The following CLIP1 variants were observed in gnomAD, a reference collection of about 807,000 sequenced individuals.
CLIP1 encodes the protein CAP-Gly domain-containing linker protein 1.
CLIP1 carries 66 observed loss-of-function variants against 161.6 expected under a neutral mutation model. The ratio of observed to expected loss-of-function variants is 0.41; its 90% CI spans 0.33 to 0.50. CLIP1 has a LOEUF of 0.50. Ranked by LOEUF, CLIP1 falls within the 20% of genes least tolerant of loss-of-function variation. The pLI is 0.27. For synonymous variants in CLIP1, 598 were observed against 626.2 expected (o/e 0.96, Z 0.67); for missense variants, 1,376 against 1,702.0 (o/e 0.81, Z 3.37).
At chr12:122,395,428 T>C (rs1257871345) in intron 1 of CLIP1, 1 of 152,178 alleles carries the variant, frequency 6.6e-6, no homozygotes, top group Non-Finnish European at 1.5e-5. Context: ...CATCAGCTCA[T>C]ATCCTGCCAG....
At chr12:122,318,627 A>C (rs936313426) in intron 18 of CLIP1, among the ~76,000 whole-genome samples, 1 of 152,234 alleles carries the variant, frequency 6.6e-6, no homozygotes, top group African/African-American at 2.4e-5. Context: ...TTGGTGCCTC[A>C]GTCGGCTTAG....
intron 21 of CLIP1, among the ~76,000 whole-genome samples, chr12:122,284,235 A>G (rs977741930): frequency 6.6e-5 from 10 of 152,230 alleles, no homozygotes; most frequent in African/African-American, 2.2e-4. Context: ...ATCTTTATCT[A>G]TAATTTCTGA....
At chr12:122,372,418 G>T (rs1354108055) in intron 3 of CLIP1, among the ~76,000 whole-genome samples, 2 of 137,718 alleles carry the variant, frequency 1.5e-5, no homozygotes, top group Non-Finnish European at 3.2e-5. Flanking sequence ...CTGGTCTAAA[G>T]AAAAAAAAAA....
intron 1 of CLIP1, among the ~76,000 whole-genome samples, chr12:122,405,974 G>A (rs1295365121): frequency 1.3e-5 from 2 of 151,468 alleles, no homozygotes; most frequent in African/African-American, 4.9e-5. Context: ...GGCTGAGGCA[G>A]GAGAATCGCT....
rs532403261 is a variant in CLIP1, at chr12:122,332,093, C to T, written c.2867+894G>A. ...GGCCAAGGCCCTGAGGTCAGGAGTT[C>T]GAGACCAGCCTGACCAACATGGAGA... On this transcript the variant is annotated intron_variant, in intron 15 of 25. Transcript: ENST00000620786. Among the ~76,000 whole-genome samples the T allele has an allele frequency of 1.4e-4, 21 of 152,080 alleles. 1 individual carries two copies. In the South Asian group the frequency reaches 3.7e-3, roughly 27 times the overall value.
intron 11 of CLIP1, among the ~76,000 whole-genome samples, chr12:122,340,541 T>C (rs995116537): frequency 6.6e-6 from 1 of 152,126 alleles, no homozygotes; most frequent in South Asian, 2.1e-4. Context: ...CCAAAATAAA[T>C]TCACATGGTT....
At chr12:122,327,168 A>G (rs1011672247) in intron 17 of CLIP1, among the ~76,000 whole-genome samples, 5 of 152,198 alleles carry the variant, frequency 3.3e-5, no homozygotes, top group African/African-American at 1.2e-4. Flanking sequence ...TGGGCAGGCC[A>G]GGCATGGTGG....
At chr12:122,403,870 G>A (rs966251291) in intron 1 of CLIP1, among the ~76,000 whole-genome samples, 8 of 152,092 alleles carry the variant, frequency 5.3e-5, no homozygotes, top group Non-Finnish European at 1.0e-4. Flanking sequence ...AAACTTGTTA[G>A]TCTTCCGAAT....
At position 122,362,173 on chromosome 12, in the gene CLIP1, C is replaced by T. The variant is rs543463459; in HGVS notation, c.783-992G>A. Among the ~76,000 whole-genome samples the T allele has an allele frequency of 9.3e-5, 14 of 150,890 alleles. No individual in the cohort carries two copies. The South Asian group carries it at 1.1e-3, about 11-fold the overall frequency. The stretch of plus-strand genomic sequence containing the variant: ...TTCAATATGTTGGCCAGGATGGTCT[C>T]GAACTCCTGATCTCGTGATCTGCCC... On this transcript the variant is annotated intron_variant, in intron 4 of 25. Coordinates refer to ENST00000620786, the MANE Select transcript of CLIP1 (RefSeq NM_001247997.2).
chr12:122,341,730 T>A (rs1952506173), intron 10 of CLIP1, 33 bp from the exon 11 acceptor site: 1 of 613,948 alleles, frequency 1.6e-6, no homozygotes. Context: ...AAAAAGATCA[T>A]TTAAATAACA....
intron 17 of CLIP1, among the ~76,000 whole-genome samples, chr12:122,320,763 G>A (rs909466152): frequency 2.7e-5 from 4 of 150,820 alleles, no homozygotes; most frequent in Non-Finnish European, 5.9e-5. Flanking sequence ...AGGCTGGAGC[G>A]CAGTGGTGCA....
chr12:122,307,154 G>A (rs1047079340), intron 20 of CLIP1, among the ~76,000 whole-genome samples: 3 of 151,576 alleles, frequency 2.0e-5, no homozygotes, highest in Non-Finnish European at 2.9e-5. Context: ...GATTACAGGC[G>A]CCCGCCACCA....
intron 5 of CLIP1, among the ~76,000 whole-genome samples, chr12:122,357,999 G>C (rs55639239): frequency 0.052 from 7,843 of 152,242 alleles, 518 homozygotes; most frequent in African/African-American, 0.16. Flanking sequence ...AATAGAAAGG[G>C]GGGAAAGGTG....
intron 19 of CLIP1, among the ~76,000 whole-genome samples, chr12:122,313,189 G>C (rs1216192966): frequency 6.6e-6 from 1 of 152,180 alleles, no homozygotes; most frequent in African/African-American, 2.4e-5. Context: ...ACAGGAAGAT[G>C]TGATTCCCTC....
rs11057522 is a variant in CLIP1, at chr12:122,323,025, C to T, written c.3250-3677G>A. 0.5 allele frequency: 76,670 copies of T among 152,350 alleles called. 22,437 individuals carry two copies. Among genetic ancestry groups the T allele is most frequent in the Non-Finnish European group, 0.64 (43,203 of 67,976 alleles). The allele number at this position is 152,350 out of a possible 1,614,324, so 9.4% of individuals were successfully genotyped here. A position where few individuals can be genotyped will look rare whatever the true frequency, so the allele number is the denominator to read the frequency against. On this transcript the variant is annotated intron_variant, in intron 17 of 25. Transcript: ENST00000620786. This position sits in a 1 kb window ranked among gnomAD's most constrained non-coding sequence, Gnocchi z 4.1. The stretch of plus-strand genomic sequence containing the variant: ...TCCTTCTTCAGAGCATCAATATTAC[C>T]GAGGAGTTTCATATTCTCTTGCACA...
rs200069106 is a variant in CLIP1, at chr12:122,288,808, C to CTTT, written c.3595-270_3595-268dup. On this transcript the variant is annotated intron_variant, in intron 20 of 25. Transcript: ENST00000620786. Reference sequence around the variant, plus strand: ...ACACCTTGAACACAACGAAGCACATCTTTTTTTTTTTTTTTTTTTTTTTTT... The same window carrying CTTT: ...ACACCTTGAACACAACGAAGCACATCTTTTTTTTTTTTTTTTTTTTTTTTTTTT... Among the ~76,000 whole-genome samples, 334 of 114,424 alleles carry CTTT rather than the reference C, an allele frequency of 2.9e-3. 1 individual carries two copies. Among genetic ancestry groups the CTTT allele is most frequent in the Middle Eastern group, 0.011 (2 of 190 alleles). The allele number at this position is 114,424 out of a possible 152,430, so 75.1% of individuals were successfully genotyped here. A position where few individuals can be genotyped will look rare whatever the true frequency, so the allele number is the denominator to read the frequency against.
intron 15 of CLIP1, among the ~76,000 whole-genome samples, chr12:122,330,939 C>A (rs781593313): frequency 1.3e-5 from 2 of 151,908 alleles, no homozygotes; most frequent in Admixed American, 6.6e-5. Context: ...GCTCTGGGAC[C>A]AGACTGCCCA....
Position 122,347,380 on chromosome 12 carries a change from T to C in CLIP1, c.1501A>G (p.Thr501Ala), listed in dbSNP as rs1470154313. The C allele has an allele frequency of 6.2e-7, 1 of 1,607,086 alleles. No homozygotes were observed. Among genetic ancestry groups the C allele is most frequent in the African/African-American group, 1.3e-5 (1 of 74,820 alleles). ...TAAATAGTGAAAACCATTACCCTAG[T>C]GTCTTCTAACTCCCTCTGGAGTTTG... The part of the protein sequence containing the change: ...ADKLQRELED[T>A]RVATVSEKSR... Residue 501 changes from threonine to alanine, a missense_variant, in exon 10 of 26, where the codon ACT (threonine) becomes GCT (alanine). Thr to Ala is a moderately conservative substitution (Grantham distance 58). This residue lies in a region of CLIP1 where 948 missense variants were observed against 1,134.8 expected (regional missense o/e 0.84). Coordinates refer to ENST00000620786, the MANE Select transcript of CLIP1 (RefSeq NM_001247997.2).
At position 122,279,148 on chromosome 12, in the gene CLIP1, A is replaced by G. The variant is rs1382493136; in HGVS notation, c.3648-3T>C. 11 of 1,600,710 alleles carry G rather than the reference A, an allele frequency of 6.9e-6. No individual in the cohort carries two copies. Among genetic ancestry groups the G allele is most frequent in the African/African-American group, 2.7e-5 (2 of 74,400 alleles). The stretch of plus-strand genomic sequence containing the variant: ...CGTCTTTTATGAACTTGGATTCTCT[A>G]AAAGACCAAAGAGTTAAAAGTTCCA... On this transcript the variant is annotated splice_polypyrimidine_tract_variant and splice_region_variant and intron_variant, in intron 21 of 25. Transcript: ENST00000620786. The surrounding 1 kb of genome is among the most constrained non-coding windows in gnomAD (Gnocchi z 4.5).
Sources: gnomAD v4.1 joint callset for allele counts (sites outside exome capture counted in the v4.1 genomes callset) on GRCh38, gnomAD v4.1.1 for gene constraint, gnomAD v4.1.1 regional missense constraint, Gnocchi (gnomAD v3.1) non-coding constraint, MANE v1.5 for transcripts, NCBI Gene and HGNC (gene_info 2026-07-23, HGNC 2026-07-21) for gene names.